The following SCAND3 variants were observed in gnomAD, a reference collection of about 807,000 sequenced individuals.
The protein encoded by SCAND3 is SCAN domain-containing protein 3.
the SCAND3 span, chr6:28,594,179 T>C: frequency 6.6e-6 from 1 of 152,232 alleles, no homozygotes; most frequent in African/African-American, 2.4e-5. Flanking sequence ...GAAAATAGTA[T>C]ATAGATATTT....
the SCAND3 span, among the ~76,000 whole-genome samples, chr6:28,605,482 G>A: frequency 2.0e-5 from 3 of 152,132 alleles, no homozygotes; most frequent in East Asian, 5.8e-4. Context: ...AATGGAGAAC[G>A]TATATCCTGA....
At chr6:28,575,110 G>C in the SCAND3 span, 1 of 1,614,028 alleles carries the variant, frequency 6.2e-7, no homozygotes, top group Admixed American at 1.7e-5. The surrounding 1 kb of genome is among the most constrained non-coding windows in gnomAD (Gnocchi z 4.2). Context: ...CTGAGAATGG[G>C]ACAAGCCCAG....
At chr6:28,603,439 C>G in the SCAND3 span, among the ~76,000 whole-genome samples, 2 of 152,100 alleles carry the variant, frequency 1.3e-5, no homozygotes, top group East Asian at 1.9e-4. Context: ...TTGCAGAAAT[C>G]TATACATTCT....
chr6:28,615,952 C>T, the SCAND3 span: 1 of 152,196 alleles, frequency 6.6e-6, no homozygotes, highest in Non-Finnish European at 1.5e-5. Context: ...AGCTTCTTTA[C>T]ATCTGGAGGG....
chr6:28,589,862 T>G, the SCAND3 span: 4,562 of 149,662 alleles, frequency 0.03, 156 homozygotes, highest in African/African-American at 0.083. Flanking sequence ...GTTTGTTTTT[T>G]TTTTTTTTTT....
chr6:28,590,963 G>A, the SCAND3 span: 1 of 152,178 alleles, frequency 6.6e-6, no homozygotes, highest in Non-Finnish European at 1.5e-5. Flanking sequence ...ATGTTAGCGT[G>A]ATGAGATCTC....
At chr6:28,586,997 C>G in the SCAND3 span, 4 of 415,306 alleles carry the variant, frequency 9.6e-6, no homozygotes, top group South Asian at 1.1e-4. This position sits in a 1 kb window ranked among gnomAD's most constrained non-coding sequence, Gnocchi z 4.4. Flanking sequence ...ACAAATTGAG[C>G]GGCAAGATAC....
chr6:28,598,896 A>G, the SCAND3 span, among the ~76,000 whole-genome samples: 2 of 146,102 alleles, frequency 1.4e-5, no homozygotes, highest in African/African-American at 2.6e-5. Flanking sequence ...AAAAAAAAAG[A>G]AAAAAGAAAA....
At chr6:28,595,330 C>CA in the SCAND3 span, among the ~76,000 whole-genome samples, 7,318 of 37,268 alleles carry the variant, frequency 0.2, 1,449 homozygotes, top group East Asian at 0.57. Context: ...AACCCAGTCT[C>CA]AAAAAAAAAA....
At chr6:28,583,102 T>C in the SCAND3 span, among the ~76,000 whole-genome samples, 1 of 150,620 alleles carries the variant, frequency 6.6e-6, no homozygotes, top group Admixed American at 6.6e-5. Flanking sequence ...CATCAAAAAT[T>C]CAAAGGTGGG....
At chr6:28,582,984 G>A in the SCAND3 span, among the ~76,000 whole-genome samples, 1 of 151,840 alleles carries the variant, frequency 6.6e-6, no homozygotes, top group African/African-American at 2.4e-5. This position sits in a 1 kb window ranked among gnomAD's most constrained non-coding sequence, Gnocchi z 4.8. Flanking sequence ...AAAAATATAA[G>A]ACATTAATAA....
At chr6:28,608,794 T>A in the SCAND3 span, among the ~76,000 whole-genome samples, 1 of 150,364 alleles carries the variant, frequency 6.7e-6, no homozygotes, top group Non-Finnish European at 1.5e-5. Context: ...AGCCCAGGAG[T>A]TCTAGACCAG....
the SCAND3 span, chr6:28,573,885 G>A: frequency 7.0e-7 from 1 of 1,429,312 alleles, no homozygotes; most frequent in Non-Finnish European, 9.1e-7. Flanking sequence ...TCAGCTAACA[G>A]TGTTATACCA....
At chr6:28,573,183 T>G in the SCAND3 span, 1 of 1,613,890 alleles carries the variant, frequency 6.2e-7, no homozygotes, top group Non-Finnish European at 8.5e-7. Flanking sequence ...ATTCATCAAG[T>G]TGCAATGAAA....
At chr6:28,572,396 C>A in the SCAND3 span, 1 of 1,613,242 alleles carries the variant, frequency 6.2e-7, no homozygotes, top group Non-Finnish European at 8.5e-7. This position sits in a 1 kb window ranked among gnomAD's most constrained non-coding sequence, Gnocchi z 4.1. Flanking sequence ...TCATTACCTA[C>A]TTCATTGATA....
chr6:28,613,390 C>G, the SCAND3 span, among the ~76,000 whole-genome samples: 1 of 152,192 alleles, frequency 6.6e-6, no homozygotes, highest in South Asian at 2.1e-4. Flanking sequence ...ATACATCAAG[C>G]ACTTCTAAAT....
the SCAND3 span, among the ~76,000 whole-genome samples, chr6:28,599,417 G>A: frequency 6.6e-6 from 1 of 152,184 alleles, no homozygotes; most frequent in Non-Finnish European, 1.5e-5. Flanking sequence ...TAGTAATCAG[G>A]ACAGTGTGGT....
the SCAND3 span, among the ~76,000 whole-genome samples, chr6:28,599,676 C>T: frequency 1.3e-5 from 2 of 152,134 alleles, no homozygotes; most frequent in Non-Finnish European, 2.9e-5. Flanking sequence ...GTGAGGCCTC[C>T]CCAGCTACAT....
the SCAND3 span, chr6:28,573,797 C>A: frequency 1.9e-6 from 3 of 1,541,070 alleles, no homozygotes; most frequent in Admixed American, 2.3e-5. Flanking sequence ...CTTTTCTTGA[C>A]AAAAAAGTCC....
Sources: allele counts gnomAD v4.1 joint callset (sites outside exome capture counted in the v4.1 genomes callset), GRCh38; gene constraint gnomAD v4.1.1; non-coding constraint Gnocchi (gnomAD v3.1); transcripts MANE v1.5; gene names NCBI Gene and HGNC (gene_info 2026-07-23, HGNC 2026-07-21).